The following EXOC4 variants were observed in gnomAD, a reference collection of about 807,000 sequenced individuals.
EXOC4 encodes the protein SEC8-like 1.
EXOC4 carries 71 observed loss-of-function variants against 107.2 expected under a neutral mutation model. That is an observed-to-expected ratio of 0.66 (90% CI 0.55 to 0.81). EXOC4 has a LOEUF of 0.81. Ranked by LOEUF, EXOC4 falls within the 30% of genes least tolerant of loss-of-function variation. The pLI, the probability that EXOC4 is intolerant of heterozygous loss-of-function variation, is 0.00. For synonymous variants in EXOC4, 456 were observed against 441.2 expected (o/e 1.03, Z -0.42); for missense variants, 1,108 against 1,189.6 (o/e 0.93, Z 1.01).
chr7:133,578,979 A>G (rs766576363), intron 9 of EXOC4, among the ~76,000 whole-genome samples: 33 of 152,184 alleles, frequency 2.2e-4, no homozygotes, highest in Admixed American at 7.9e-4. Flanking sequence ...TTAACTTGAA[A>G]AACTCTAGAA....
rs377702867 is a variant in EXOC4, at chr7:133,537,218, T to C, written c.1417+57080T>C. Among the ~76,000 whole-genome samples, 21 of 151,996 alleles carry C rather than the reference T, an allele frequency of 1.4e-4. No individual in the cohort carries two copies. The East Asian group carries it at 4.1e-3, about 29-fold the overall frequency. ...CAAGCTGGAGTTCAGTGGCGTGATC[T>C]CGACTCACTGCAGCCTCCGCCTCCC... On this transcript the variant is annotated intron_variant, in intron 9 of 17. Transcript: ENST00000253861.
Position 133,349,793 on chromosome 7 carries a change from C to G in EXOC4, c.764-6537C>G, listed in dbSNP as rs1378746996. The stretch of plus-strand genomic sequence containing the variant: ...ATTTTACATTCCCAACAGCAGTGCA[C>G]AAGCGTTCCAATTTCTCCACATCCT... On this transcript the variant is annotated intron_variant, in intron 5 of 17. Coordinates refer to ENST00000253861, the MANE Select transcript of EXOC4 (RefSeq NM_021807.4). Among the ~76,000 whole-genome samples, 5 of 151,988 alleles carry G rather than the reference C, an allele frequency of 3.3e-5. No individual in the cohort carries two copies. In the South Asian group the frequency reaches 1.0e-3, roughly 32 times the overall value.
At chr7:133,325,073 C>T (rs995213000) in intron 5 of EXOC4, among the ~76,000 whole-genome samples, 3 of 152,154 alleles carry the variant, frequency 2.0e-5, no homozygotes, top group Admixed American at 2.0e-4. Flanking sequence ...GTAGATTTTC[C>T]TCCATCCCTC....
At chr7:133,582,542 A>G (rs1348485372) in intron 9 of EXOC4, among the ~76,000 whole-genome samples, 2 of 152,006 alleles carry the variant, frequency 1.3e-5, no homozygotes, top group African/African-American at 2.4e-5. Context: ...AAATTTACCT[A>G]ATGACATTTC....
intron 10 of EXOC4, among the ~76,000 whole-genome samples, chr7:133,791,527 A>G (rs1796703478): frequency 6.6e-6 from 1 of 152,254 alleles, no homozygotes; most frequent in Admixed American, 6.5e-5. Flanking sequence ...TGGCAGTTAT[A>G]GAAACTTGGA....
At chr7:133,324,833 G>T (rs1172106166) in intron 5 of EXOC4, among the ~76,000 whole-genome samples, 1 of 152,152 alleles carries the variant, frequency 6.6e-6, no homozygotes, top group Non-Finnish European at 1.5e-5. Context: ...CATTATTATT[G>T]TGTGGGAGTC....
intron 5 of EXOC4, among the ~76,000 whole-genome samples, chr7:133,348,606 A>G (rs186169985): frequency 5.1e-4 from 77 of 152,210 alleles, no homozygotes; most frequent in Non-Finnish European, 9.3e-4. Context: ...TTTTGGTCCT[A>G]CCTGAAGCTC....
chr7:133,292,625 G>T (rs1298386540), intron 3 of EXOC4, among the ~76,000 whole-genome samples: 1 of 152,050 alleles, frequency 6.6e-6, no homozygotes, highest in Non-Finnish European at 1.5e-5. Context: ...TTAAGACCTG[G>T]CTCAAATTTC....
intron 11 of EXOC4, among the ~76,000 whole-genome samples, chr7:133,873,991 C>T (rs1364469666): frequency 6.6e-6 from 1 of 152,164 alleles, no homozygotes; most frequent in African/African-American, 2.4e-5. Flanking sequence ...CTAGTGATTT[C>T]CAGTATCATA....
intron 5 of EXOC4, among the ~76,000 whole-genome samples, chr7:133,338,124 C>T (rs1795562576): frequency 6.7e-6 from 1 of 149,308 alleles, no homozygotes; most frequent in Non-Finnish European, 1.5e-5. Flanking sequence ...TGTCTTTATG[C>T]TTTCTTTTGG....
At chr7:133,608,546 C>CTTTTTTTT (rs1161155238) in intron 9 of EXOC4, among the ~76,000 whole-genome samples, 34 of 84,968 alleles carry the variant, frequency 4.0e-4, no homozygotes, top group Non-Finnish European at 5.1e-4. Context: ...TGCTGTATTT[C>CTTTTTTTT]TTTTTTTTTT....
chr7:133,696,800 G>A (rs1355857432), intron 10 of EXOC4, among the ~76,000 whole-genome samples: 2 of 152,100 alleles, frequency 1.3e-5, no homozygotes, highest in Non-Finnish European at 2.9e-5. Flanking sequence ...TTACACATCA[G>A]CCTCTCCCTT....
At chr7:133,949,295 G>T (rs1800630585) in intron 14 of EXOC4, among the ~76,000 whole-genome samples, 1 of 152,108 alleles carries the variant, frequency 6.6e-6, no homozygotes, top group Non-Finnish European at 1.5e-5. Context: ...GGTCTCTAAG[G>T]CACAGTGTTC....
At chr7:133,622,954 G>A (rs1010638788) in intron 9 of EXOC4, among the ~76,000 whole-genome samples, 2 of 152,136 alleles carry the variant, frequency 1.3e-5, no homozygotes, top group Non-Finnish European at 2.9e-5. Context: ...GTGACCTTGA[G>A]CAAGACACTT....
intron 9 of EXOC4, among the ~76,000 whole-genome samples, chr7:133,580,140 C>T (rs758487044): frequency 1.3e-5 from 2 of 152,226 alleles, no homozygotes; most frequent in Non-Finnish European, 2.9e-5. Context: ...AATTCCCTTA[C>T]TTTTTAAGGC....
intron 9 of EXOC4, among the ~76,000 whole-genome samples, chr7:133,551,958 ATTTTT>A (rs1332283971): frequency 6.6e-6 from 1 of 152,114 alleles, no homozygotes; most frequent in African/African-American, 2.4e-5. Context: ...AGGGAAATTA[ATTTTT>A]TTATTTTATT....
At chr7:133,360,725 A>G (rs1395390524) in intron 6 of EXOC4, among the ~76,000 whole-genome samples, 2 of 152,142 alleles carry the variant, frequency 1.3e-5, no homozygotes, top group Non-Finnish European at 2.9e-5. Flanking sequence ...TTGCTTTTTC[A>G]TCTCTGTTTT....
intron 5 of EXOC4, among the ~76,000 whole-genome samples, chr7:133,343,396 G>T (rs952658650): frequency 6.6e-6 from 1 of 151,936 alleles, no homozygotes; most frequent in South Asian, 2.1e-4. Flanking sequence ...CTCTCAGCTG[G>T]TCTCTCAGCC....
At chr7:133,647,894 G>A (rs1415003541) in intron 10 of EXOC4, among the ~76,000 whole-genome samples, 1 of 152,048 alleles carries the variant, frequency 6.6e-6, no homozygotes, top group Non-Finnish European at 1.5e-5. Flanking sequence ...AAAAAAATCA[G>A]CCCTGCATTC....
Sources: gnomAD v4.1 joint callset for allele counts (sites outside exome capture counted in the v4.1 genomes callset) on GRCh38, gnomAD v4.1.1 for gene constraint, MANE v1.5 for transcripts, NCBI Gene and HGNC (gene_info 2026-07-23, HGNC 2026-07-21) for gene names.